ZNRF2: variants seen among roughly 807,000 people sequenced by gnomAD.
ZNRF2 encodes E3 ubiquitin-protein ligase ZNRF2.
Under a neutral mutation model 20.4 loss-of-function variants are expected in ZNRF2, and 16 were observed. The observed-to-expected ratio is 0.79, with a 90% CI of 0.53 to 1.19. The LOEUF (loss-of-function observed/expected upper bound fraction) is 1.19, where lower values mean the gene tolerates loss of function less well. ZNRF2 is among the 50% of genes most tolerant of loss of function. ZNRF2 has a pLI of 0.00. For missense variants in ZNRF2, 363 were observed against 332.4 expected (o/e 1.09, Z -0.72); for synonymous variants, 178 against 144.9 (o/e 1.23, Z -1.64).
rs1324491551 is a variant in ZNRF2, at chr7:30,285,207, C to T, written c.-151C>T. 5.8e-6 allele frequency: 3 copies of T among 516,276 alleles called. No individual in the cohort carries two copies. Among genetic ancestry groups the T allele is most frequent in the South Asian group, 4.5e-5 (2 of 44,868 alleles). 32.0% of individuals were successfully genotyped at this position (516,276 alleles called of 1,614,324 possible). A position where few individuals can be genotyped will look rare whatever the true frequency, so the allele number is the denominator to read the frequency against. On this transcript the variant is annotated 5_prime_UTR_variant, in exon 1 of 5. Transcript: ENST00000323037. ...GAAGAGCGCGCCGGGCGCCGACTGC[C>T]CCTCTGGACGCCGGGCGGCGGCCCT...
At position 30,366,439 on chromosome 7, in the gene ZNRF2, C is replaced by T. The variant is rs1562625037; in HGVS notation, c.*427C>T. 2 of 152,310 alleles carry T rather than the reference C, an allele frequency of 1.3e-5. No homozygotes were observed. The highest frequency in any genetic ancestry group is 4.8e-5 in the African/African-American group (2 of 41,332). 9.4% of individuals were successfully genotyped at this position (152,310 alleles called of 1,614,324 possible). On this transcript the variant is annotated 3_prime_UTR_variant, in exon 5 of 5. Coordinates refer to ENST00000323037, the MANE Select transcript of ZNRF2 (RefSeq NM_147128.4). ...TTTAATTTGGGGTCTCTTTGTTTTCCCCAACATAATGTTCATAATGTTTCT... is the reference window on the plus strand; with the variant it reads ...TTTAATTTGGGGTCTCTTTGTTTTCTCCAACATAATGTTCATAATGTTTCT...
At chr7:30,314,379 T>A (rs1799334659) in intron 1 of ZNRF2, among the ~76,000 whole-genome samples, 1 of 152,198 alleles carries the variant, frequency 6.6e-6, no homozygotes. Flanking sequence ...ATACCCTCTG[T>A]CAGTGGTGGC....
intron 3 of ZNRF2, among the ~76,000 whole-genome samples, chr7:30,361,390 C>A (rs1377705820): frequency 6.6e-6 from 1 of 152,144 alleles, no homozygotes; most frequent in Non-Finnish European, 1.5e-5. Flanking sequence ...CCTACCAAAC[C>A]AACCTATCTG....
chr7:30,311,704 T>C (rs1395783829), intron 1 of ZNRF2, among the ~76,000 whole-genome samples: 1 of 152,174 alleles, frequency 6.6e-6, no homozygotes, highest in Non-Finnish European at 1.5e-5. Flanking sequence ...TCTGAATTAA[T>C]TTTTGACATA....
At chr7:30,309,478 C>G (rs987157517) in intron 1 of ZNRF2, among the ~76,000 whole-genome samples, 1 of 152,172 alleles carries the variant, frequency 6.6e-6, no homozygotes, top group Admixed American at 6.5e-5. Flanking sequence ...TTAGAAGCAA[C>G]TCTTTGAAAA....
At chr7:30,353,882 A>G in intron 2 of ZNRF2, among the ~76,000 whole-genome samples, 1 of 152,160 alleles carries the variant, frequency 6.6e-6, no homozygotes, top group African/African-American at 2.4e-5. Context: ...TAAGAATGGT[A>G]TACCTTTGTG....
chr7:30,295,564 G>A (rs1165535709), intron 1 of ZNRF2, among the ~76,000 whole-genome samples: 1 of 152,132 alleles, frequency 6.6e-6, no homozygotes, highest in Non-Finnish European at 1.5e-5. Context: ...ACAAAAATTA[G>A]CCAGGTGTGG....
At chr7:30,289,308 A>G (rs565521746) in intron 1 of ZNRF2, among the ~76,000 whole-genome samples, 6 of 152,332 alleles carry the variant, frequency 3.9e-5, no homozygotes, top group African/African-American at 1.2e-4. Flanking sequence ...CTGTATTTCT[A>G]GGAAGATTTC....
intron 1 of ZNRF2, among the ~76,000 whole-genome samples, chr7:30,286,618 C>G (rs140329587): frequency 5.3e-5 from 8 of 152,296 alleles, no homozygotes; most frequent in African/African-American, 1.9e-4. Context: ...TACTTTACTA[C>G]AGAAACAGGA....
chr7:30,358,743 C>T (rs1295356175), intron 3 of ZNRF2, among the ~76,000 whole-genome samples: 3 of 152,178 alleles, frequency 2.0e-5, no homozygotes, highest in African/African-American at 7.2e-5. Flanking sequence ...ACACTTGTGC[C>T]TATCTGGAGA....
chr7:30,321,642 T>C (rs376959512), intron 1 of ZNRF2, among the ~76,000 whole-genome samples: 2 of 152,142 alleles, frequency 1.3e-5, no homozygotes, highest in East Asian at 1.9e-4. Context: ...TATTGCACTT[T>C]TGTTTAAGTT....
chr7:30,293,712 G>A (rs1176649939), intron 1 of ZNRF2, among the ~76,000 whole-genome samples: 2 of 152,158 alleles, frequency 1.3e-5, no homozygotes, highest in African/African-American at 4.8e-5. Context: ...AACTTGTGAG[G>A]TTTTTGATAT....
intron 1 of ZNRF2, among the ~76,000 whole-genome samples, chr7:30,286,467 A>G (rs1424543693): frequency 1.3e-5 from 2 of 152,356 alleles, no homozygotes; most frequent in East Asian, 1.9e-4. Context: ...AAAAAATGGA[A>G]AAGTTTCTTA....
intron 2 of ZNRF2, among the ~76,000 whole-genome samples, chr7:30,349,620 C>A (rs921135569): frequency 6.6e-6 from 1 of 151,646 alleles, no homozygotes; most frequent in African/African-American, 2.4e-5. Flanking sequence ...ACCCAGATTG[C>A]TGGACTCTTT....
chr7:30,355,653 G>C (rs1484686822), intron 2 of ZNRF2, 75 bp from the exon 3 acceptor site: 1 of 1,218,614 alleles, frequency 8.2e-7, no homozygotes, highest in African/African-American at 1.5e-5. Flanking sequence ...CTTTTTATCA[G>C]TTAGCATTCA....
chr7:30,318,464 G>A (rs577556866), intron 1 of ZNRF2, among the ~76,000 whole-genome samples: 3 of 152,110 alleles, frequency 2.0e-5, no homozygotes, highest in Admixed American at 2.0e-4. Flanking sequence ...CTCATAATAG[G>A]GCCTTCATCT....
intron 2 of ZNRF2, among the ~76,000 whole-genome samples, chr7:30,344,621 T>G (rs547075910): frequency 1.3e-5 from 2 of 152,312 alleles, no homozygotes; most frequent in Non-Finnish European, 2.9e-5. Context: ...ACTTTATACA[T>G]TATCTAATCA....
intron 1 of ZNRF2, among the ~76,000 whole-genome samples, chr7:30,313,575 AAAAC>A (rs1404079001): frequency 6.6e-6 from 1 of 152,156 alleles, no homozygotes; most frequent in African/African-American, 2.4e-5. Flanking sequence ...CATATTTATG[AAAAC>A]AAACAAATAG....
chr7:30,361,490 C>T (rs1386807901), intron 3 of ZNRF2, among the ~76,000 whole-genome samples: 1 of 152,170 alleles, frequency 6.6e-6, no homozygotes, highest in Non-Finnish European at 1.5e-5. Context: ...AAATATGTCA[C>T]CAATGAAAAT....
Sources: allele counts gnomAD v4.1 joint callset (sites outside exome capture counted in the v4.1 genomes callset), GRCh38; gene constraint gnomAD v4.1.1; transcripts MANE v1.5; gene names NCBI Gene and HGNC (gene_info 2026-07-23, HGNC 2026-07-21).